KIF21A: variants seen among roughly 807,000 people sequenced by gnomAD.
KIF21A encodes kinesin-like protein KIF21A.
In KIF21A, 114 loss-of-function variants were observed where a neutral mutation model predicts 202.9. That is an observed-to-expected ratio of 0.56 (90% confidence interval 0.48 to 0.66). The LOEUF (loss-of-function observed/expected upper bound fraction) is 0.66. Ranked by LOEUF, KIF21A falls within the 30% of genes least tolerant of loss-of-function variation. The probability of loss-of-function intolerance (pLI) is 0.00; values close to 1 mark genes in which losing one functional copy is unlikely to be tolerated. For synonymous variants in KIF21A, 667 were observed against 670.8 expected (o/e 0.99, Z 0.09); for missense variants, 1,677 against 1,994.9 (o/e 0.84, Z 3.04).
chr12:39,311,585 C>T (rs771310499), intron 31 of KIF21A, 32 bp from the exon 32 acceptor site: 3 of 1,610,886 alleles, frequency 1.9e-6, no homozygotes, highest in Admixed American at 1.7e-5. Flanking sequence ...CAAACCAAGA[C>T]TCACTTCAGT....
chr12:39,385,378 C>T (rs956774038), intron 1 of KIF21A, among the ~76,000 whole-genome samples: 2 of 152,116 alleles, frequency 1.3e-5, no homozygotes, highest in African/African-American at 2.4e-5. Context: ...TGGATATGAA[C>T]AAAATACATC....
intron 10 of KIF21A, 114 bp downstream of exon 10, chr12:39,356,718 T>G: frequency 6.5e-6 from 4 of 615,654 alleles, no homozygotes; most frequent in Non-Finnish European, 1.2e-5. Flanking sequence ...ACCAAAGGGC[T>G]GAAATATCAC....
intron 17 of KIF21A, among the ~76,000 whole-genome samples, chr12:39,333,749 A>G (rs909229548): frequency 2.0e-5 from 3 of 152,142 alleles, no homozygotes; most frequent in African/African-American, 7.2e-5. Flanking sequence ...AGTACTTATA[A>G]TAACTATGGA....
In KIF21A at chr12:39,367,174, G is replaced by A; in HGVS notation, c.601-10C>T. On this transcript the variant is annotated splice_polypyrimidine_tract_variant and intron_variant, in intron 4 of 37. Transcript: ENST00000361418. ...TCAAACACTGCATCATCTGAAAAAG[G>A]GGAAGAAACAAGGACTTTACTTGAA... is the stretch of plus-strand genomic sequence containing the variant. 6.2e-7 allele frequency: 1 copy of A among 1,613,692 alleles called. No homozygotes were observed.
At chr12:39,332,175 T>G in intron 21 of KIF21A, 39 bp downstream of exon 21, 1 of 1,574,010 alleles carries the variant, frequency 6.4e-7, no homozygotes, top group Non-Finnish European at 8.7e-7. Context: ...ACAAAAGTAC[T>G]TTTCATTAAA....
intron 26 of KIF21A, among the ~76,000 whole-genome samples, chr12:39,325,284 A>C (rs1022153997): frequency 6.6e-6 from 1 of 152,040 alleles, no homozygotes; most frequent in Admixed American, 6.5e-5. Flanking sequence ...TGTGTTATCT[A>C]GTGGGAAAAA....
At chr12:39,335,967 T>C (rs1449866035) in intron 17 of KIF21A, among the ~76,000 whole-genome samples, 1 of 152,184 alleles carries the variant, frequency 6.6e-6, no homozygotes, top group Admixed American at 6.5e-5. Flanking sequence ...CAAAATAAAT[T>C]TCCATTTTCT....
chr12:39,395,150 T>C (rs1435484664), intron 1 of KIF21A, among the ~76,000 whole-genome samples: 2 of 152,198 alleles, frequency 1.3e-5, no homozygotes, highest in African/African-American at 2.4e-5. Flanking sequence ...ACCATACATA[T>C]ATTTTAAACT....
intron 15 of KIF21A, 24 bp from the exon 16 acceptor site, chr12:39,340,388 A>T (rs1486358025): frequency 1.3e-6 from 2 of 1,552,114 alleles, no homozygotes; most frequent in Non-Finnish European, 8.8e-7. Flanking sequence ...GGACATTTTT[A>T]TATGTTTTTT....
chr12:39,298,385 G>A (rs575574036), intron 37 of KIF21A, among the ~76,000 whole-genome samples: 1 of 152,266 alleles, frequency 6.6e-6, no homozygotes, highest in South Asian at 2.1e-4. Flanking sequence ...GCAACTATAA[G>A]GTCAGACAGC....
chr12:39,384,353 T>C (rs1337360705), intron 1 of KIF21A, among the ~76,000 whole-genome samples: 1 of 152,226 alleles, frequency 6.6e-6, no homozygotes, highest in Non-Finnish European at 1.5e-5. Context: ...TTCTAGACTT[T>C]GCAAAGTCAA....
In KIF21A at chr12:39,309,674, TAC is replaced by T; in HGVS notation, c.4187_4188del (p.Cys1396Ter). 1 of 1,612,974 alleles carries T rather than the reference TAC, an allele frequency of 6.2e-7. No individual in the cohort carries two copies. On this transcript the variant is annotated frameshift_variant, in exon 33 of 38. Coordinates refer to ENST00000361418, the MANE Select transcript of KIF21A (RefSeq NM_001173464.2). LOFTEE classifies it high-confidence loss of function. Reference sequence around the variant, plus strand: ...ACAGTGAAGACCAAACTGGTATAATTACAGTATTTTACAGACACGACATTGTT... The same window carrying T: ...ACAGTGAAGACCAAACTGGTATAATTAGTATTTTACAGACACGACATTGTT... Reference protein sequence around the residue: ...HPNNVVSVKYCNYTSLVFTVS... With the variant: ...HPNNVVSVKYXNYTSLVFTVS...
intron 21 of KIF21A, 149 bp from the exon 22 acceptor site, chr12:39,331,940 CAT>C (rs1946544544): frequency 2.7e-6 from 2 of 730,960 alleles, no homozygotes; most frequent in Admixed American, 2.1e-5. Context: ...CCCCAAGAAA[CAT>C]AGGGTTTAGT....
intron 1 of KIF21A, among the ~76,000 whole-genome samples, chr12:39,380,635 C>T (rs1314242932): frequency 2.0e-5 from 3 of 151,676 alleles, no homozygotes; most frequent in Middle Eastern, 3.4e-3. Flanking sequence ...GAGGAGAGGA[C>T]CGCTTGATCC....
chr12:39,368,975 C>T (rs114177502), intron 3 of KIF21A, among the ~76,000 whole-genome samples: 1,661 of 152,128 alleles, frequency 0.011, 39 homozygotes, highest in African/African-American at 0.036. Flanking sequence ...AATCCAAATC[C>T]ACCACAACCT....
intron 1 of KIF21A, among the ~76,000 whole-genome samples, chr12:39,394,267 A>G (rs1951576162): frequency 6.6e-6 from 1 of 152,242 alleles, no homozygotes; most frequent in South Asian, 2.1e-4. Context: ...ACCGTTTTGA[A>G]GCAGAAAACC....
chr12:39,361,426 C>T (rs1297692612), intron 7 of KIF21A, among the ~76,000 whole-genome samples: 1 of 151,700 alleles, frequency 6.6e-6, no homozygotes, highest in African/African-American at 2.4e-5. Context: ...ATAGGATGTG[C>T]TGGAAGAGAC....
chr12:39,441,664 A>AAAAAAAAAAAAAAAAAAAAAAAC (rs1555208066), intron 1 of KIF21A, among the ~76,000 whole-genome samples: 1 of 120,708 alleles, frequency 8.3e-6, no homozygotes, highest in Non-Finnish European at 1.8e-5. Context: ...GGGTGGTAAA[A>AAAAAAAAAAAAAAAAAAAAAAAC]AAAAAAAAAA....
At chr12:39,370,478 C>T (rs1177203932) in intron 1 of KIF21A, among the ~76,000 whole-genome samples, 1 of 151,968 alleles carries the variant, frequency 6.6e-6, no homozygotes, top group Non-Finnish European at 1.5e-5. Context: ...TTAACAATCC[C>T]CCAAAATCAT....
Sources: allele counts gnomAD v4.1 joint callset (sites outside exome capture counted in the v4.1 genomes callset), GRCh38; gene constraint gnomAD v4.1.1; transcripts MANE v1.5; gene names NCBI Gene and HGNC (gene_info 2026-07-23, HGNC 2026-07-21).